The following ERC2 variants were observed in gnomAD, a reference collection of about 807,000 sequenced individuals.
ERC2 encodes ELKS/RAB6-interacting/CAST family member 2.
ERC2 carries 42 observed loss-of-function variants against 114.8 expected under a neutral mutation model. The ratio of observed to expected loss-of-function variants is 0.37; its 90% CI spans 0.29 to 0.47. The LOEUF (loss-of-function observed/expected upper bound fraction) is 0.47, where lower values mean the gene tolerates loss of function less well. Ranked by LOEUF, ERC2 falls within the 20% of genes least tolerant of loss-of-function variation. ERC2 has a pLI of 0.99. For synonymous variants in ERC2, 454 were observed against 425.5 expected, an observed-to-expected ratio of 1.07 and a Z score of -0.82; for missense variants, 939 against 1,150.7, an observed-to-expected ratio of 0.82 and a Z score of 2.66.
intron 13 of ERC2, among the ~76,000 whole-genome samples, chr3:55,933,128 G>C (rs2066215314): frequency 6.6e-6 from 1 of 151,436 alleles, no homozygotes; most frequent in Admixed American, 6.6e-5. Flanking sequence ...AGAATAGCTT[G>C]AACCTGGGAG....
At chr3:55,853,867 A>G (rs2061675942) in intron 14 of ERC2, among the ~76,000 whole-genome samples, 1 of 152,198 alleles carries the variant, frequency 6.6e-6, no homozygotes, top group African/African-American at 2.4e-5. Flanking sequence ...ATGTGAATGT[A>G]CTTAACACTA....
At position 56,088,394 on chromosome 3, in the gene ERC2, T is replaced by C. The variant is rs150161898; in HGVS notation, c.1474-7410A>G. 3.0e-3 allele frequency among the ~76,000 whole-genome samples: 464 copies of C among 152,300 alleles called. 4 individuals are homozygous for C. Among genetic ancestry groups the C allele is most frequent in the African/African-American group, 0.011 (441 of 41,572 alleles). On this transcript the variant is annotated intron_variant, in intron 6 of 17. Coordinates refer to ENST00000288221, the MANE Select transcript of ERC2 (RefSeq NM_015576.3). ...TCATGAATCTAAAGAATTAGGGCTA[T>C]GGTACTTCCTTTCACTCTTTCTATA... is the stretch of plus-strand genomic sequence containing the variant.
chr3:56,195,881 T>C (rs955829506), intron 3 of ERC2, among the ~76,000 whole-genome samples: 1 of 152,018 alleles, frequency 6.6e-6, no homozygotes, highest in African/African-American at 2.4e-5. Context: ...GGAAGTCTAC[T>C]GTCTGCACTT....
intron 2 of ERC2, among the ~76,000 whole-genome samples, chr3:56,322,459 G>A (rs2057171549): frequency 6.6e-6 from 1 of 152,144 alleles, no homozygotes. Flanking sequence ...AGGTTTATGA[G>A]TTCCAAGTCT....
intron 17 of ERC2, among the ~76,000 whole-genome samples, chr3:55,649,258 ATTTTT>A (rs56806592): frequency 1.7e-5 from 2 of 119,198 alleles, no homozygotes; most frequent in Admixed American, 8.7e-5. Context: ...CCAACGCTGA[ATTTTT>A]TTTTTTTTTT....
Position 56,021,380 on chromosome 3 carries a change from C to T in ERC2, c.1642-2349G>A, listed in dbSNP as rs541859906. On this transcript the variant is annotated intron_variant, in intron 7 of 17. Coordinates refer to ENST00000288221, the MANE Select transcript of ERC2 (RefSeq NM_015576.3). Reference sequence around the variant, plus strand: ...TGTGGGTTTTATTATTTTAAAATGTCAATCAGGGTTATCCAGCTGGTAAAA... The same window carrying T: ...TGTGGGTTTTATTATTTTAAAATGTTAATCAGGGTTATCCAGCTGGTAAAA... Among the ~76,000 whole-genome samples the T allele has an allele frequency of 3.3e-5, 5 of 151,950 alleles. No homozygotes were observed. The East Asian group carries it at 9.7e-4, about 29-fold the overall frequency.
intron 17 of ERC2, among the ~76,000 whole-genome samples, chr3:55,585,162 T>C (rs1489751020): frequency 6.6e-6 from 1 of 152,204 alleles, no homozygotes; most frequent in East Asian, 1.9e-4. Flanking sequence ...TCGGTCCAGA[T>C]TCTCTGGCCT....
At chr3:55,566,262 C>T (rs1447427587) in intron 17 of ERC2, among the ~76,000 whole-genome samples, 1 of 152,170 alleles carries the variant, frequency 6.6e-6, no homozygotes, top group Non-Finnish European at 1.5e-5. Flanking sequence ...TTCATTCATT[C>T]ACCATGAAAA....
chr3:55,902,879 G>A (rs1014732958), intron 13 of ERC2, among the ~76,000 whole-genome samples: 2 of 152,166 alleles, frequency 1.3e-5, no homozygotes, highest in South Asian at 2.1e-4. Context: ...GAGAGTGGGC[G>A]GATGGCAAAG....
chr3:56,284,710 A>C (rs1421352978), intron 3 of ERC2, among the ~76,000 whole-genome samples: 1 of 152,214 alleles, frequency 6.6e-6, no homozygotes, highest in Non-Finnish European at 1.5e-5. Context: ...TGTAAGGCTT[A>C]TGTGTCTTCT....
At chr3:56,232,596 G>C (rs2050697394) in intron 3 of ERC2, among the ~76,000 whole-genome samples, 2 of 152,084 alleles carry the variant, frequency 1.3e-5, no homozygotes, top group Admixed American at 6.6e-5. Flanking sequence ...AATCTCAACA[G>C]GACACATACA....
intron 14 of ERC2, among the ~76,000 whole-genome samples, chr3:55,783,470 G>A (rs1315176364): frequency 1.3e-5 from 2 of 152,188 alleles, no homozygotes; most frequent in Non-Finnish European, 2.9e-5. Flanking sequence ...ACCTGTCATT[G>A]TTACATTTAC....
chr3:55,771,682 A>G (rs1473713817), intron 14 of ERC2, among the ~76,000 whole-genome samples: 8 of 151,984 alleles, frequency 5.3e-5, no homozygotes, highest in Non-Finnish European at 1.2e-4. Context: ...AATTAACACA[A>G]TCTGTCAAAA....
In ERC2 at chr3:56,421,367, T is replaced by A. The variant is rs977789211; in HGVS notation, c.657+12984A>T. ...ACCCACACACTCCCTTGCTAGAGAA[T>A]CTACTCATCATGCCCCTTTCTCAGA... On this transcript the variant is annotated intron_variant, in intron 2 of 17. Transcript: ENST00000288221. Among the ~76,000 whole-genome samples the A allele has an allele frequency of 6.6e-5, 10 of 152,332 alleles. 1 individual carries two copies. The South Asian group carries it at 1.9e-3, about 28-fold the overall frequency.
intron 4 of ERC2, among the ~76,000 whole-genome samples, chr3:56,151,617 C>T (rs1422444467): frequency 4.6e-5 from 7 of 152,148 alleles, no homozygotes; most frequent in Non-Finnish European, 8.8e-5. Context: ...ATGTCTACCG[C>T]TTTTCAACTG....
intron 3 of ERC2, among the ~76,000 whole-genome samples, chr3:56,294,836 A>C (rs2055324594): frequency 6.6e-6 from 1 of 152,220 alleles, no homozygotes; most frequent in South Asian, 2.1e-4. Context: ...AGGCCCAACC[A>C]AAACATCTCT....
At chr3:56,430,619 C>T (rs773208066) in intron 2 of ERC2, among the ~76,000 whole-genome samples, 1 of 152,060 alleles carries the variant, frequency 6.6e-6, no homozygotes, top group Non-Finnish European at 1.5e-5. Context: ...GAGACTCCAT[C>T]TCTACAAAAA....
chr3:56,196,926 C>T (rs116410999), intron 3 of ERC2, among the ~76,000 whole-genome samples: 9 of 152,092 alleles, frequency 5.9e-5, no homozygotes, highest in South Asian at 2.1e-4. Context: ...TAATCCCCAG[C>T]ATGACACTCT....
intron 2 of ERC2, among the ~76,000 whole-genome samples, chr3:56,366,695 G>C (rs77088362): frequency 0.019 from 2,947 of 152,162 alleles, 101 homozygotes; most frequent in African/African-American, 0.068. Flanking sequence ...GCATTGTGCT[G>C]TCTCCGTGTT....
Sources: gnomAD v4.1 joint callset for allele counts (sites outside exome capture counted in the v4.1 genomes callset) on GRCh38, gnomAD v4.1.1 for gene constraint, MANE v1.5 for transcripts, NCBI Gene and HGNC (gene_info 2026-07-23, HGNC 2026-07-21) for gene names.